Variants in NDUFC1 observed in about 807,000 individuals in gnomAD.
NDUFC1 encodes NADH dehydrogenase [ubiquinone] 1 subunit C1, mitochondrial.
Under a neutral mutation model 11.6 loss-of-function variants are expected in NDUFC1, and 11 were observed. The ratio of observed to expected loss-of-function variants is 0.95; its 90% confidence interval spans 0.60 to 1.58. The LOEUF (loss-of-function observed/expected upper bound fraction) is 1.58. Ranked by LOEUF, NDUFC1 falls within the 40% of genes most tolerant of loss-of-function variation. The probability of loss-of-function intolerance (pLI) is 0.00; values close to 1 mark genes in which losing one functional copy is unlikely to be tolerated. For missense variants in NDUFC1, 112 were observed against 93.0 expected, an observed-to-expected ratio of 1.20 and a Z score of -0.84; for synonymous variants, 52 against 42.2, an observed-to-expected ratio of 1.23 and a Z score of -0.90.
rs546857729 is a variant in NDUFC1 at position 139,290,050 on chromosome 4, G to A, written c.*63C>T. 1.8e-4 allele frequency: 28 copies of A among 151,658 alleles called. No individual in the cohort carries two copies. The highest frequency in any genetic ancestry group is 3.5e-4 in the Non-Finnish European group (24 of 67,938). The allele number at this position is 151,658 out of a possible 1,614,324, so 9.4% of individuals were successfully genotyped here. On this transcript the variant is annotated 3_prime_UTR_variant, in exon 6 of 6. Transcript: ENST00000394223. ...CTCTCACATTTACAACTCAACAGAT[G>A]GTGAATCCAGAGGAACAGCTACAAT... is the stretch of plus-strand genomic sequence containing the variant.
chr4:139,292,586 A>G lies in NDUFC1; in HGVS notation c.195T>C (p.Asp65=). 1 of 1,567,826 alleles carries G rather than the reference A, an allele frequency of 6.4e-7. No individual in the cohort carries two copies. The highest frequency in any genetic ancestry group is 8.7e-7 in the Non-Finnish European group (1 of 1,145,754). Residue 65 remains aspartate (D), a synonymous_variant, in exon 5 of 6, where the codon GAT becomes GAC. Transcript: ENST00000394223. ...CATTTCTTCTTTTGTACTCTAAAAT[A>G]TCTTCATTGTGTTGTTTGATGAGCT... ...WIYLIKQHNE[D]ILEYKRRNGL...
intron 4 of NDUFC1, 104 bp downstream of exon 4, chr4:139,294,939 T>G: frequency 1.3e-6 from 1 of 776,790 alleles, no homozygotes; most frequent in East Asian, 2.6e-5. Context: ...TATGAGAGTT[T>G]CACTGCCATA....
chr4:139,301,301 C>G lies in NDUFC1; in HGVS notation c.-222+1115G>C, dbSNP rs1389998883. 1.3e-5 allele frequency: 5 copies of G among 387,886 alleles called. No individual in the cohort carries two copies. The East Asian group carries it at 1.9e-4, about 15-fold the overall frequency. 24.0% of individuals were successfully genotyped at this position (387,886 alleles called of 1,614,324 possible). A position where few individuals can be genotyped will look rare whatever the true frequency, so the allele number is the denominator to read the frequency against. On this transcript the variant is annotated intron_variant, in intron 1 of 5. Coordinates refer to ENST00000394223, the MANE Select transcript of NDUFC1 (RefSeq NM_001184989.2). Reference sequence around the variant, plus strand: ...TCTGAACCGTACTTGCCTAGCCTCCCGTAGCTCCGCGGGCGCTTCGAGGGT... The same window carrying G: ...TCTGAACCGTACTTGCCTAGCCTCCGGTAGCTCCGCGGGCGCTTCGAGGGT...
intron 1 of NDUFC1, chr4:139,301,988 G>C (rs1240231071): frequency 1.3e-6 from 1 of 764,224 alleles, no homozygotes; most frequent in Non-Finnish European, 2.0e-6. Flanking sequence ...CTCCCTCTCT[G>C]TGGTTCCTAC....
At chr4:139,293,967 A>G (rs1745345626) in intron 4 of NDUFC1, among the ~76,000 whole-genome samples, 1 of 112,596 alleles carries the variant, frequency 8.9e-6, no homozygotes, top group Non-Finnish European at 1.6e-5. Context: ...TTTGAGACAG[A>G]GTCTCGCTGT....
rs142322979 is a variant in NDUFC1, at chr4:139,290,531, G to A, written c.*21-439C>T. Among the ~76,000 whole-genome samples, 36 of 151,760 alleles carry A rather than the reference G, an allele frequency of 2.4e-4. No individual in the cohort carries two copies. In the East Asian group the frequency reaches 6.8e-3, roughly 28 times the overall value. On this transcript the variant is annotated intron_variant, in intron 5 of 5. Transcript: ENST00000394223. ...AGGCAAAAGATTTGGATAATCAACA[G>A]TAAAGAGCTCAGTTTCAGAGTTATA... is the stretch of plus-strand genomic sequence containing the variant.
intron 1 of NDUFC1, among the ~76,000 whole-genome samples, chr4:139,298,596 CA>C (rs1051514134): frequency 6.6e-6 from 1 of 151,238 alleles, no homozygotes; most frequent in African/African-American, 2.4e-5. Context: ...TATACACACA[CA>C]CAAAAAAAAC....
In NDUFC1 at chr4:139,295,099, GT is replaced by G; in HGVS notation, c.114del (p.Lys38AsnfsTer5). ...KFYVREPPNA[K>X]PDWLKVGFTL... ...GTGAACCCAACTTTCAGCCAGTCAG[GT>G]TTGGCATTCGGCGGCTCTCGCACGT... On this transcript the variant is annotated frameshift_variant, in exon 4 of 6. Transcript: ENST00000394223. LOFTEE classifies it high-confidence loss of function. The G allele has an allele frequency of 6.2e-7, 1 of 1,614,200 alleles. No individual in the cohort carries two copies. Among genetic ancestry groups the G allele is most frequent in the Non-Finnish European group, 8.5e-7 (1 of 1,180,028 alleles).
At chr4:139,298,576 A>G (rs921790347) in intron 1 of NDUFC1, among the ~76,000 whole-genome samples, 1 of 152,088 alleles carries the variant, frequency 6.6e-6, no homozygotes, top group Non-Finnish European at 1.5e-5. Flanking sequence ...CAACATTGAG[A>G]AATCCTGTCT....
chr4:139,292,824 ATT>A (rs1745289589), intron 4 of NDUFC1, among the ~76,000 whole-genome samples: 1 of 150,192 alleles, frequency 6.7e-6, no homozygotes. Flanking sequence ...ATATATATAT[ATT>A]TATTTATTTA....
intron 2 of NDUFC1, among the ~76,000 whole-genome samples, chr4:139,296,529 G>A (rs973943536): frequency 4.6e-5 from 7 of 152,246 alleles, no homozygotes; most frequent in Middle Eastern, 6.8e-3. Flanking sequence ...AGCGTTCAAA[G>A]CCATTCTGCT....
intron 1 of NDUFC1, chr4:139,301,934 G>T (rs1006520281): frequency 1.0e-5 from 13 of 1,279,952 alleles, no homozygotes; most frequent in Non-Finnish European, 1.3e-5. Context: ...TCCCGCCCGG[G>T]ACCCCGCCTT....
chr4:139,292,461 T>C (rs1306465866), intron 5 of NDUFC1, 69 bp downstream of exon 5: 41 of 664,172 alleles, frequency 6.2e-5, no homozygotes, highest in Non-Finnish European at 9.4e-5. Flanking sequence ...CAAGCTTGTT[T>C]TTCAGTATTT....
At chr4:139,296,024 C>CTGGGGGTT in intron 2 of NDUFC1, 64 bp from the exon 3 acceptor site, 1 of 512,224 alleles carries the variant, frequency 2.0e-6, no homozygotes, top group South Asian at 3.0e-5. Context: ...TCTCTGTCCT[C>CTGGGGGTT]TGGGGGTTTT....
At chr4:139,301,911 G>C (rs746043202) in intron 1 of NDUFC1, 3 of 1,464,490 alleles carry the variant, frequency 2.0e-6, no homozygotes, top group Non-Finnish European at 2.8e-6. Flanking sequence ...CGGCCCGGCG[G>C]GCACTGAGCC....
intron 2 of NDUFC1, among the ~76,000 whole-genome samples, chr4:139,296,542 C>T (rs541018954): frequency 2.1e-4 from 32 of 152,326 alleles, no homozygotes; most frequent in African/African-American, 4.6e-4. Flanking sequence ...ATTCTGCTCA[C>T]CACTTTTTAG....
intron 1 of NDUFC1, chr4:139,301,445 C>T (rs1010493710): frequency 6.9e-6 from 3 of 437,672 alleles, no homozygotes; most frequent in African/African-American, 4.1e-5. Flanking sequence ...AAGGAGGTCA[C>T]CGCGCCTGCG....
At chr4:139,299,781 A>T (rs1292812088) in intron 1 of NDUFC1, among the ~76,000 whole-genome samples, 1 of 152,146 alleles carries the variant, frequency 6.6e-6, no homozygotes, top group Admixed American at 6.6e-5. Flanking sequence ...CATTTGCCAA[A>T]CTCTATTTCT....
At chr4:139,297,127 C>T (rs1390527775) in intron 2 of NDUFC1, among the ~76,000 whole-genome samples, 2 of 152,178 alleles carry the variant, frequency 1.3e-5, no homozygotes, top group African/African-American at 4.8e-5. Flanking sequence ...ACTTATTGTC[C>T]ACTCAGCAAC....
Sources: gnomAD v4.1 joint callset for allele counts (sites outside exome capture counted in the v4.1 genomes callset) on GRCh38, gnomAD v4.1.1 for gene constraint, MANE v1.5 for transcripts, NCBI Gene and HGNC (gene_info 2026-07-23, HGNC 2026-07-21) for gene names.